Variants in MYH11 observed in about 807,000 individuals in gnomAD.
MYH11 encodes the protein myosin heavy chain 11.
A neutral mutation model predicts 246.6 loss-of-function variants in MYH11; 80 were observed. The ratio of observed to expected loss-of-function variants is 0.32; its 90% CI spans 0.27 to 0.39. The LOEUF (loss-of-function observed/expected upper bound fraction) is 0.39. Ranked by LOEUF, MYH11 falls within the 10% of genes least tolerant of loss-of-function variation. The probability of loss-of-function intolerance (pLI) is 1.00; values close to 1 mark genes in which losing one functional copy is unlikely to be tolerated. For missense variants in MYH11, 2,158 were observed against 2,546.8 expected, an observed-to-expected ratio of 0.85 and a Z score of 3.29; for synonymous variants, 1,071 against 1,015.5, an observed-to-expected ratio of 1.05 and a Z score of -1.04.
chr16:15,726,655 AC>A (rs1480492498), intron 28 of MYH11, 192 bp downstream of exon 28: 1 of 685,000 alleles, frequency 1.5e-6, no homozygotes, highest in African/African-American at 1.8e-5. Flanking sequence ...GGCATGAGCC[AC>A]CGTGCCTGGC....
chr16:15,744,473 G>A (rs147415924), intron 20 of MYH11, among the ~76,000 whole-genome samples: 3,017 of 151,264 alleles, frequency 0.02, 107 homozygotes, highest in African/African-American at 0.069. Context: ...GATTACAGCC[G>A]TGAGCCACCG....
intron 12 of MYH11, among the ~76,000 whole-genome samples, chr16:15,759,066 A>G (rs566697542): frequency 6.6e-6 from 1 of 152,104 alleles, no homozygotes; most frequent in Admixed American, 6.6e-5. Context: ...TTTCTACTAC[A>G]TGAGGTATTG....
intron 19 of MYH11, 22 bp from the exon 20 acceptor site, chr16:15,745,259 G>C: frequency 1.3e-6 from 2 of 1,559,104 alleles, no homozygotes; most frequent in Non-Finnish European, 1.8e-6. Context: ...GGAAGAGAAG[G>C]TGCGGGGGTC....
chr16:15,801,432 G>T (rs764315674), intron 3 of MYH11, among the ~76,000 whole-genome samples: 1 of 152,074 alleles, frequency 6.6e-6, no homozygotes, highest in Non-Finnish European at 1.5e-5. Flanking sequence ...GAGATGGGAG[G>T]ATCACTTGAG....
chr16:15,719,612 C>T lies in MYH11; in HGVS notation c.5055G>A (p.Leu1685=), dbSNP rs754570649. ...CTTGTAGCTGCATGAGGTCTGCTTC[C>T]AAGCTCTTGGCTTTCTTCTCATTCT... is the stretch of plus-strand genomic sequence containing the variant. ...AKENEKKAKS[L]EADLMQLQED... is the part of the protein sequence containing the mutation. The change falls in exon 35 of 41, where the codon TTG becomes TTA. Residue 1685 remains leucine, a synonymous_variant. Transcript: ENST00000300036. The T allele has an allele frequency of 5.6e-6, 9 of 1,614,208 alleles. No homozygotes were observed. Among genetic ancestry groups the T allele is most frequent in the Admixed American group, 1.7e-5 (1 of 60,018 alleles).
rs794728681 is a variant in MYH11, at chr16:15,837,972, G to A, written c.281C>T (p.Thr94Met). Reference sequence around the variant, plus strand: ...TAGCACGGAGGCTTCGTTGAGGCACGTCAGCTCCGCCATGTCCTCCACCTT... The same window carrying A: ...TAGCACGGAGGCTTCGTTGAGGCACATCAGCTCCGCCATGTCCTCCACCTT... ...FSKVEDMAEL[T>M]CLNEASVLHN... The change falls in exon 2 of 41, where the codon ACG becomes ATG. Residue 94 changes from threonine to methionine, a missense_variant. By Grantham distance (81) the Thr-to-Met change is moderately conservative. Coordinates refer to ENST00000300036, the MANE Select transcript of MYH11 (RefSeq NM_002474.3). 4.3e-6 allele frequency: 7 copies of A among 1,613,996 alleles called. No homozygotes were observed. The highest frequency in any genetic ancestry group is 1.3e-5 in the African/African-American group (1 of 74,892).
At chr16:15,837,837 C>A (rs896349461) in intron 2 of MYH11, 71 bp downstream of exon 2, 1 of 1,428,466 alleles carries the variant, frequency 7.0e-7, no homozygotes, top group African/African-American at 1.4e-5. Flanking sequence ...GCCCAGCCCT[C>A]CCAACACATT....
intron 40 of MYH11, among the ~76,000 whole-genome samples, chr16:15,705,984 C>CAAAAAAAAAAA (rs57451847): frequency 0.03 from 1,714 of 56,570 alleles, 281 homozygotes; most frequent in Middle Eastern, 0.069. Context: ...GACTCCGTCT[C>CAAAAAAAAAAA]AAAAAAAAAA....
chr16:15,781,197 C>T (rs969364173), intron 6 of MYH11, among the ~76,000 whole-genome samples: 7 of 152,236 alleles, frequency 4.6e-5, no homozygotes, highest in Non-Finnish European at 7.3e-5. Flanking sequence ...TGAGCCACCT[C>T]GCCTGGCCTG....
At chr16:15,759,313 C>CAG (rs374333118) in intron 12 of MYH11, among the ~76,000 whole-genome samples, 7 of 148,648 alleles carry the variant, frequency 4.7e-5, no homozygotes, top group East Asian at 4.0e-4. Context: ...TGGAGGAAGG[C>CAG]AGAGAGAGAG....
At position 15,715,009 on chromosome 16, in the gene MYH11, T is replaced by TG; in HGVS notation, c.5685dup (p.Ile1896HisfsTer14). ...TGCAGCTTCCTGCGGTTGGCGTTGA[T>TG]GCGCTGGGACTCCTCCTCTGCCTCC... On this transcript the variant is annotated frameshift_variant, in exon 40 of 41. Coordinates refer to ENST00000300036, the MANE Select transcript of MYH11 (RefSeq NM_002474.3). LOFTEE classifies it high-confidence loss of function. 1 of 1,613,978 alleles carries TG rather than the reference T, an allele frequency of 6.2e-7. No individual in the cohort carries two copies. Among genetic ancestry groups the TG allele is most frequent in the Non-Finnish European group, 8.5e-7 (1 of 1,180,024 alleles).
At chr16:15,797,049 A>G (rs1017280180) in intron 4 of MYH11, among the ~76,000 whole-genome samples, 1 of 152,202 alleles carries the variant, frequency 6.6e-6, no homozygotes, top group African/African-American at 2.4e-5. Context: ...TTCTGGTTAG[A>G]TAAATACTCC....
intron 3 of MYH11, among the ~76,000 whole-genome samples, chr16:15,819,538 G>A (rs1473711588): frequency 6.6e-6 from 1 of 152,142 alleles, no homozygotes; most frequent in Non-Finnish European, 1.5e-5. Flanking sequence ...AGGGATCCAG[G>A]CTGTGTGCTC....
chr16:15,831,464 G>GGTGTGTGTGTGTGTGTGTGT (rs59352444), intron 2 of MYH11, among the ~76,000 whole-genome samples: 5 of 145,588 alleles, frequency 3.4e-5, no homozygotes, highest in South Asian at 2.2e-4. Flanking sequence ...TTATGTTTGG[G>GGTGTGTGTGTGTGTGTGTGT]GTGTGTGTGT....
intron 10 of MYH11, 146 bp downstream of exon 10, chr16:15,763,650 T>C (rs1293402254): frequency 6.7e-6 from 5 of 744,192 alleles, no homozygotes; most frequent in African/African-American, 3.4e-5. Flanking sequence ...ACTGAAAAGT[T>C]TGAAAAAGTG....
intron 20 of MYH11, 92 bp from the exon 21 acceptor site, chr16:15,741,983 A>T (rs1399716623): frequency 6.4e-7 from 1 of 1,552,788 alleles, no homozygotes; most frequent in Non-Finnish European, 8.7e-7. Context: ...GCCAGGGACA[A>T]TGTTGCCCCC....
intron 19 of MYH11, 72 bp downstream of exon 19, chr16:15,747,496 CAG>C (rs1372843382): frequency 6.3e-7 from 1 of 1,578,548 alleles, no homozygotes. Context: ...CTCTTAGAAT[CAG>C]GGAATCAGAA....
Position 15,856,044 on chromosome 16 carries a change from C to G in MYH11, c.-18+897G>C, listed in dbSNP as rs760607574. ...GAAAACTTACAACAGGCAGTAGCCA[C>G]ACTTTCTCTCGTTTTACCCATTTGG... On this transcript the variant is annotated intron_variant, in intron 1 of 40. Transcript: ENST00000300036. 1.1e-4 allele frequency among the ~76,000 whole-genome samples: 16 copies of G among 152,292 alleles called. No individual in the cohort carries two copies. The South Asian group carries it at 2.5e-3, about 24-fold the overall frequency.
chr16:15,803,883 C>T (rs574035574), intron 3 of MYH11, among the ~76,000 whole-genome samples: 3 of 152,278 alleles, frequency 2.0e-5, no homozygotes, highest in South Asian at 2.1e-4. Context: ...TCTGGCCTGA[C>T]GTTCCCATCA....
Sources: gnomAD v4.1 joint callset for allele counts (sites outside exome capture counted in the v4.1 genomes callset) on GRCh38, gnomAD v4.1.1 for gene constraint, MANE v1.5 for transcripts, NCBI Gene and HGNC (gene_info 2026-07-23, HGNC 2026-07-21) for gene names.